RBFOX3: variants seen among roughly 807,000 people sequenced by gnomAD.
The protein encoded by RBFOX3 is RNA binding protein fox-1 homolog 3.
Under a neutral mutation model 48.7 loss-of-function variants are expected in RBFOX3, and 17 were observed. The ratio of observed to expected loss-of-function variants is 0.35; its 90% CI spans 0.24 to 0.52. The LOEUF (loss-of-function observed/expected upper bound fraction) is 0.52. Among genes scored for constraint, RBFOX3 ranks in the 20% least tolerant of loss-of-function variants. The pLI is 0.94. For synonymous variants in RBFOX3, 212 were observed against 209.5 expected, an observed-to-expected ratio of 1.01 and a Z score of -0.10; for missense variants, 382 against 497.5, an observed-to-expected ratio of 0.77 and a Z score of 2.21.
At chr17:79,611,169 T>TCTCTCTCTCTCGCTCTCG, upstream of RBFOX3, among the ~76,000 whole-genome samples, 25 of 25,924 alleles carry the variant, frequency 9.6e-4, 4 homozygotes, top group South Asian at 3.5e-3. Context: ...TCTCTCTCTC[T>TCTCTCTCTCTCGCTCTCG]CTCTCCGCCC....
Position 79,415,164 on chromosome 17 carries a change from C to T in RBFOX3, c.-175+67290G>A, listed in dbSNP as rs149395627. Among the ~76,000 whole-genome samples, 452 of 152,318 alleles carry T rather than the reference C, an allele frequency of 3.0e-3. 3 individuals carry two copies. The highest frequency in any genetic ancestry group is 0.01 in the African/African-American group (430 of 41,578). On this transcript the variant is annotated intron_variant, in intron 2 of 14. Coordinates refer to ENST00000693108, the MANE Select transcript of RBFOX3 (RefSeq NM_001350451.2). ...GGTGCAATCTGCCCGGTGCCACCTA[C>T]GAGGACCGCCTTTGCCGAGGTACCT...
rs1036885315 is a variant in RBFOX3, at chr17:79,578,955, C to T, written c.-320+31871G>A. Among the ~76,000 whole-genome samples, 11 of 152,342 alleles carry T rather than the reference C, an allele frequency of 7.2e-5. No individual in the cohort carries two copies. In the East Asian group the frequency reaches 7.7e-4, roughly 11 times the overall value. ...CCCTGGTTAGTTACGTTCTCTAAGA[C>T]GCAGTGGCCTTGACTCAGGGTGGCT... On this transcript the variant is annotated intron_variant, in intron 1 of 14. Transcript: ENST00000693108.
intron 4 of RBFOX3, among the ~76,000 whole-genome samples, chr17:79,121,864 A>G (rs568821663): frequency 1.3e-5 from 2 of 152,222 alleles, no homozygotes; most frequent in South Asian, 2.1e-4. Context: ...AAACATCTGT[A>G]TGTTGACAAT....
intron 1 of RBFOX3, among the ~76,000 whole-genome samples, chr17:79,583,049 T>C (rs1431994611): frequency 2.0e-5 from 3 of 152,126 alleles, no homozygotes; most frequent in African/African-American, 7.2e-5. Flanking sequence ...AGCCCGTTCC[T>C]AAGGGGCCAC....
intron 4 of RBFOX3, among the ~76,000 whole-genome samples, chr17:79,143,373 C>CGGGGGGGGG (rs915971467): frequency 1.3e-4 from 1 of 7,950 alleles, no homozygotes. Flanking sequence ...GTTGGTGGAG[C>CGGGGGGGGG]GGGGGGTGGG....
At chr17:79,153,365 G>C (rs867133992) in intron 4 of RBFOX3, among the ~76,000 whole-genome samples, 1 of 152,236 alleles carries the variant, frequency 6.6e-6, no homozygotes, top group Admixed American at 6.5e-5. Flanking sequence ...CTCATTGAGA[G>C]AATTTCCAAA....
At chr17:79,343,307 C>T (rs2082382665) in intron 2 of RBFOX3, among the ~76,000 whole-genome samples, 1 of 152,120 alleles carries the variant, frequency 6.6e-6, no homozygotes, top group Non-Finnish European at 1.5e-5. Flanking sequence ...GGGTGGATCA[C>T]CTGAGGTCAG....
intron 4 of RBFOX3, among the ~76,000 whole-genome samples, chr17:79,137,744 C>T (rs2040585346): frequency 6.6e-6 from 1 of 152,212 alleles, no homozygotes; most frequent in African/African-American, 2.4e-5. Context: ...TAATCTTCAG[C>T]TGATTAAATG....
chr17:79,622,772 C>T, the RBFOX3 span, among the ~76,000 whole-genome samples: 1 of 152,238 alleles, frequency 6.6e-6, no homozygotes, highest in Non-Finnish European at 1.5e-5. Context: ...AACACGGTCA[C>T]ACGCAGAGGT....
At chr17:79,618,952 G>A in the RBFOX3 span, among the ~76,000 whole-genome samples, 1 of 152,274 alleles carries the variant, frequency 6.6e-6, no homozygotes, top group South Asian at 2.1e-4. Flanking sequence ...CGCCCAGTCG[G>A]GGTTTCTGCT....
the RBFOX3 span, among the ~76,000 whole-genome samples, chr17:79,620,330 C>T: frequency 4.4e-4 from 66 of 149,530 alleles, no homozygotes; most frequent in African/African-American, 1.5e-3. Context: ...CATACACGCA[C>T]GCACACAGAC....
At chr17:79,304,034 C>T (rs139667590) in intron 3 of RBFOX3, among the ~76,000 whole-genome samples, 2 of 152,330 alleles carry the variant, frequency 1.3e-5, no homozygotes, top group Non-Finnish European at 2.9e-5. Context: ...GAGCCCATTT[C>T]TCACAGAAGC....
At chr17:79,621,833 C>G in the RBFOX3 span, among the ~76,000 whole-genome samples, 1 of 151,874 alleles carries the variant, frequency 6.6e-6, no homozygotes, top group South Asian at 2.1e-4. Context: ...AAGGCAGCAG[C>G]TGCTGGTGGC....
intron 3 of RBFOX3, among the ~76,000 whole-genome samples, chr17:79,301,263 A>C (rs950845554): frequency 2.0e-5 from 3 of 152,218 alleles, no homozygotes; most frequent in Admixed American, 6.5e-5. Flanking sequence ...CAAGCCCTTT[A>C]ACAGGTCCAG....
intron 1 of RBFOX3, among the ~76,000 whole-genome samples, chr17:79,608,819 A>AG (rs1217803534): frequency 7.4e-6 from 1 of 135,128 alleles, no homozygotes; most frequent in African/African-American, 2.7e-5. Context: ...GTCCTGGGGG[A>AG]GGGGCGGGGG....
At chr17:79,134,873 G>A (rs570822136) in intron 4 of RBFOX3, among the ~76,000 whole-genome samples, 1 of 152,336 alleles carries the variant, frequency 6.6e-6, no homozygotes, top group Admixed American at 6.5e-5. Flanking sequence ...TCTGGAGGAA[G>A]AGCACGGCGG....
At position 79,477,976 on chromosome 17, in the gene RBFOX3, A is replaced by T. The variant is rs2078188608; in HGVS notation, c.-175+4478T>A. 6.6e-6 allele frequency among the ~76,000 whole-genome samples: 1 copy of T among 152,148 alleles called. No individual in the cohort carries two copies. Among genetic ancestry groups the T allele is most frequent in the Non-Finnish European group, 1.5e-5 (1 of 68,012 alleles). ...GGAGCACCTAGGACGAGCTCCTGCAAAAGGAATGCATTCACTGCAAGCCTG... is the reference window on the plus strand; with the variant it reads ...GGAGCACCTAGGACGAGCTCCTGCATAAGGAATGCATTCACTGCAAGCCTG... On this transcript the variant is annotated intron_variant, in intron 2 of 14. Transcript: ENST00000693108. The surrounding 1 kb of genome is among the most constrained non-coding windows in gnomAD (Gnocchi z 4.8).
At chr17:79,305,115 G>T (rs1295131076) in intron 3 of RBFOX3, among the ~76,000 whole-genome samples, 2 of 152,164 alleles carry the variant, frequency 1.3e-5, no homozygotes, top group Admixed American at 1.3e-4. Flanking sequence ...GCACAGCTCT[G>T]GCTATTTTTA....
At chr17:79,095,246 G>C (rs575104967) in intron 13 of RBFOX3, among the ~76,000 whole-genome samples, 16 of 152,060 alleles carry the variant, frequency 1.1e-4, no homozygotes, top group East Asian at 7.8e-4. Context: ...CGGGGCTTGC[G>C]GGGGGCGGTG....
Sources: allele counts gnomAD v4.1 joint callset (sites outside exome capture counted in the v4.1 genomes callset), GRCh38; gene constraint gnomAD v4.1.1; non-coding constraint Gnocchi (gnomAD v3.1); transcripts MANE v1.5; gene names NCBI Gene and HGNC (gene_info 2026-07-23, HGNC 2026-07-21).